The following BID variants were observed in gnomAD, a reference collection of about 807,000 sequenced individuals.
The protein encoded by BID is BH3 interacting domain death agonist.
A neutral mutation model predicts 17.4 loss-of-function variants in BID; 19 were observed. That is an observed-to-expected ratio of 1.09 (90% CI 0.76 to 1.60). The LOEUF is 1.60. Ranked by LOEUF, BID falls within the 40% of genes most tolerant of loss-of-function variation. The pLI, the probability that BID is intolerant of heterozygous loss-of-function variation, is 0.00. For missense variants in BID, 226 were observed against 256.0 expected (o/e 0.88, Z 0.80); for synonymous variants, 108 against 102.8 (o/e 1.05, Z -0.31).
intron 1 of BID, among the ~76,000 whole-genome samples, chr22:17,758,047 C>T (rs1367756148): frequency 6.6e-6 from 1 of 152,236 alleles, no homozygotes; most frequent in East Asian, 1.9e-4. Flanking sequence ...TTGCTAGTGA[C>T]AGCACCCGGC....
chr22:17,765,356 G>A lies in BID; in HGVS notation c.-59+9025C>T, dbSNP rs530520246. On this transcript the variant is annotated intron_variant, in intron 1 of 5. Coordinates refer to ENST00000622694, the MANE Select transcript of BID (RefSeq NM_001196.4). ...GGTCATGACTGCAGGCCAAGATACG[G>A]CCTCTTTTTAGAGCTGAAAAAAACC... Among the ~76,000 whole-genome samples, 5 of 152,240 alleles carry A rather than the reference G, an allele frequency of 3.3e-5. No individual in the cohort carries two copies. In the Middle Eastern group the frequency reaches 0.01, roughly 311 times the overall value.
chr22:17,765,456 C>T (rs2061671472), intron 1 of BID, among the ~76,000 whole-genome samples: 1 of 152,208 alleles, frequency 6.6e-6, no homozygotes, highest in African/African-American at 2.4e-5. Context: ...AGAATACCTA[C>T]TCAACTCCAT....
chr22:17,765,742 A>G (rs577552723), intron 1 of BID, among the ~76,000 whole-genome samples: 1 of 152,336 alleles, frequency 6.6e-6, no homozygotes, highest in African/African-American at 2.4e-5. Flanking sequence ...TGACGAGTTA[A>G]TGGGTGCAGC....
chr22:17,743,588 CAG>C (rs1176889442), intron 3 of BID, among the ~76,000 whole-genome samples: 1 of 152,182 alleles, frequency 6.6e-6, no homozygotes, highest in Non-Finnish European at 1.5e-5. Context: ...AACTTTCTAA[CAG>C]AGTCACCCAA....
chr22:17,735,373 G>C lies in BID; in HGVS notation c.*207C>G. 1 of 597,848 alleles carries C rather than the reference G, an allele frequency of 1.7e-6. No homozygotes were observed. Among genetic ancestry groups the C allele is most frequent in the Non-Finnish European group, 2.9e-6 (1 of 341,356 alleles). 37.0% of individuals were successfully genotyped at this position (597,848 alleles called of 1,614,324 possible). On this transcript the variant is annotated 3_prime_UTR_variant, in exon 6 of 6. Transcript: ENST00000622694. ...GAAGGCCATTCAAATACGTGTAAATGGACATTTTCATTCAAGTATATTAAT... is the reference window on the plus strand; with the variant it reads ...GAAGGCCATTCAAATACGTGTAAATCGACATTTTCATTCAAGTATATTAAT...
At chr22:17,774,104 A>G (rs941104165) in intron 1 of BID, 6 of 207,008 alleles carry the variant, frequency 2.9e-5, no homozygotes, top group African/African-American at 1.2e-4. Flanking sequence ...GGACACAACA[A>G]AGCCTTCCCC....
At chr22:17,767,687 C>A (rs1034603257) in intron 1 of BID, among the ~76,000 whole-genome samples, 1 of 152,134 alleles carries the variant, frequency 6.6e-6, no homozygotes, top group African/African-American at 2.4e-5. Context: ...TCACTGATGC[C>A]ACCAAGCCAT....
At chr22:17,761,714 A>G (rs1445260199) in intron 1 of BID, among the ~76,000 whole-genome samples, 2 of 152,148 alleles carry the variant, frequency 1.3e-5, no homozygotes, top group African/African-American at 4.8e-5. Flanking sequence ...GATTACAGGC[A>G]TAAGCCACCG....
At chr22:17,756,265 C>T (rs1313529069) in intron 1 of BID, among the ~76,000 whole-genome samples, 1 of 152,236 alleles carries the variant, frequency 6.6e-6, no homozygotes, top group Non-Finnish European at 1.5e-5. Flanking sequence ...AGTCCAAGAA[C>T]TGTGTGCGCA....
chr22:17,764,917 A>G (rs2061667573), intron 1 of BID, among the ~76,000 whole-genome samples: 1 of 152,170 alleles, frequency 6.6e-6, no homozygotes, highest in Non-Finnish European at 1.5e-5. Flanking sequence ...TGCATCTGAA[A>G]TGACCTCCCT....
rs781383435 is a variant in BID at position 17,743,992 on chromosome 22, T to G, written c.34A>C (p.Arg12=). Residue 12 remains arginine, a synonymous_variant, in exon 3 of 6, where the codon AGG becomes CGG. Coordinates refer to ENST00000622694, the MANE Select transcript of BID (RefSeq NM_001196.4). ...AGTAGGTTTGTGATGCACTCATCCC[T>G]GAGGCTGGAACCGTTGTTGACCTGA... ...DCEVNNGSSL[R]DECITNLLVF... The G allele has an allele frequency of 1.2e-6, 2 of 1,613,968 alleles. No individual in the cohort carries two copies. The highest frequency in any genetic ancestry group is 1.7e-6 in the Non-Finnish European group (2 of 1,179,986).
intron 1 of BID, chr22:17,774,175 G>A (rs1201552790): frequency 6.4e-6 from 1 of 156,644 alleles, no homozygotes; most frequent in Non-Finnish European, 1.4e-5. Flanking sequence ...GAGGGCGCCC[G>A]GGCGGAGGGG....
chr22:17,738,814 T>C (rs1180726703), intron 4 of BID, among the ~76,000 whole-genome samples: 1 of 152,108 alleles, frequency 6.6e-6, no homozygotes, highest in Non-Finnish European at 1.5e-5. Flanking sequence ...AAGTGGAACT[T>C]TCTCTCCTCT....
intron 5 of BID, among the ~76,000 whole-genome samples, chr22:17,736,523 T>G (rs1406493029): frequency 1.3e-5 from 2 of 151,462 alleles, no homozygotes; most frequent in East Asian, 2.0e-4. Flanking sequence ...ATAAGACACA[T>G]CCACTTAATT....
intron 1 of BID, among the ~76,000 whole-genome samples, chr22:17,755,082 C>CTTTTT (rs59654004): frequency 4.0e-3 from 400 of 99,216 alleles, no homozygotes; most frequent in Non-Finnish European, 5.9e-3. Flanking sequence ...TTTTTCTTTT[C>CTTTTT]TTTTTTTTTT....
intron 4 of BID, among the ~76,000 whole-genome samples, chr22:17,738,468 C>A (rs902638722): frequency 6.6e-6 from 1 of 152,314 alleles, no homozygotes; most frequent in East Asian, 1.9e-4. Flanking sequence ...CACTGTTAGA[C>A]GGTGATGGGA....
At chr22:17,766,734 C>T (rs192593252) in intron 1 of BID, among the ~76,000 whole-genome samples, 9 of 151,856 alleles carry the variant, frequency 5.9e-5, no homozygotes, top group Admixed American at 4.6e-4. Context: ...GGAGTATAGG[C>T]GTCTGCCACC....
In BID at chr22:17,739,442, G is replaced by A. The variant is rs542745843; in HGVS notation, c.270C>T (p.Leu90=). The change falls in exon 4 of 6, where the codon CTC becomes CTT. Residue 90 remains leucine (L), a synonymous_variant. Coordinates refer to ENST00000622694, the MANE Select transcript of BID (RefSeq NM_001196.4). ...EDIIRNIARH[L]AQVGDSMDRS... Reference sequence around the variant, plus strand: ...GGTCCATGCTGTCCCCGACCTGGGCGAGGTGCCTGGCAATATTCCGGATGA... The same window carrying A: ...GGTCCATGCTGTCCCCGACCTGGGCAAGGTGCCTGGCAATATTCCGGATGA... 69 of 1,612,574 alleles carry A rather than the reference G, an allele frequency of 4.3e-5. 1 individual carries two copies. Among genetic ancestry groups the A allele is most frequent in the Admixed American group, 3.5e-4 (21 of 60,022 alleles).
At chr22:17,739,719 C>T (rs1333105627) in intron 3 of BID, 12 of 602,174 alleles carry the variant, frequency 2.0e-5, no homozygotes, top group Middle Eastern at 4.4e-4. Context: ...CCCAGGCTCC[C>T]GCACACAGGC....
Sources: allele counts gnomAD v4.1 joint callset (sites outside exome capture counted in the v4.1 genomes callset), GRCh38; gene constraint gnomAD v4.1.1; transcripts MANE v1.5; gene names NCBI Gene and HGNC (gene_info 2026-07-23, HGNC 2026-07-21).